Variants in OR10Q1 observed in about 807,000 individuals in gnomAD.
The protein encoded by OR10Q1 is olfactory receptor 10Q1.
For synonymous variants in OR10Q1, 211 were observed against 180.5 expected, an observed-to-expected ratio of 1.17 and a Z score of -1.35; for missense variants, 435 against 414.0, an observed-to-expected ratio of 1.05 and a Z score of -0.44.
rs367603027 is a variant in OR10Q1 at position 58,228,532 on chromosome 11, T to G, written c.344A>C (p.Asp115Ala). ...MFFFVTLGST[D>A]CFLLAIMAYD... ...GGCCATGATCGCCAAGAGGAAACAG[T>G]CCGTGCTGCCGAGGGTGACAAAGAA... The change falls in exon 1 of 1, where the codon GAC becomes GCC. Residue 115 changes from aspartate (D) to alanine (A), a missense_variant. Asp to Ala is a moderately radical substitution (Grantham distance 126). Coordinates refer to ENST00000316770, the MANE Select transcript of OR10Q1 (RefSeq NM_001004471.2). 6.2e-7 allele frequency: 1 copy of G among 1,613,930 alleles called. No homozygotes were observed. The highest frequency in any genetic ancestry group is 8.5e-7 in the Non-Finnish European group (1 of 1,179,984).
Position 58,227,956 on chromosome 11 carries a change from C to T in OR10Q1, c.920G>A (p.Arg307Lys), listed in dbSNP as rs774781835. Residue 307 changes from arginine to lysine, a missense_variant, in exon 1 of 1, where the codon AGG (arginine) becomes AAG (lysine). Transcript: ENST00000316770. ...LRNKDVKGAL[R>K]SAIIRKAASD... ...GGCTGCTTTACGGATAATGGCACTC[C>T]TCAGAGCACCTTTGACATCCTTGTT... is the stretch of plus-strand genomic sequence containing the variant. The T allele has an allele frequency of 1.2e-6, 2 of 1,614,026 alleles. No homozygotes were observed. The highest frequency in any genetic ancestry group is 1.3e-5 in the African/African-American group (1 of 75,028).
In OR10Q1 at chr11:58,228,900, G is replaced by A. The variant is rs753208221; in HGVS notation, c.-25C>T. On this transcript the variant is annotated 5_prime_UTR_variant, in exon 1 of 1. Coordinates refer to ENST00000316770, the MANE Select transcript of OR10Q1 (RefSeq NM_001004471.2). ...TGTCTTATGCAAAAGAATAGGACGC[G>A]CTGAGCTCTTCTTGGCTGAGTTGCT... The A allele has an allele frequency of 1.2e-6, 2 of 1,602,762 alleles. No individual in the cohort carries two copies. Among genetic ancestry groups the A allele is most frequent in the Non-Finnish European group, 1.7e-6 (2 of 1,173,924 alleles).
chr11:58,228,487 A>G lies in OR10Q1; in HGVS notation c.389T>C (p.Ile130Thr), dbSNP rs1464243553. 2 of 1,613,912 alleles carry G rather than the reference A, an allele frequency of 1.2e-6. No homozygotes were observed. The highest frequency in any genetic ancestry group is 1.3e-5 in the African/African-American group (1 of 74,992). The change falls in exon 1 of 1, where the codon ATC becomes ACC. Residue 130 changes from isoleucine to threonine, a missense_variant. By Grantham distance (89) the Ile-to-Thr change is moderately conservative. Coordinates refer to ENST00000316770, the MANE Select transcript of OR10Q1 (RefSeq NM_001004471.2). ...AIMAYDRYVA[I>T]CHPLHYTLIM... ...GAGGGTGTAGTGCAGCGGGTGGCAG[A>G]TAGCCACATAGCGGTCATAGGCCAT...
rs113852503 is a variant in OR10Q1 at position 58,228,226 on chromosome 11, A to T, written c.650T>A (p.Leu217Gln). ...GAACACGTAGGAGACGCAGATGAGC[A>T]GGAAGGGGATGGTCAGCACGAGGAT... ...VSILVLTIPFLLICVSYVFIT... is the reference protein window; with the variant it reads ...VSILVLTIPFQLICVSYVFIT... Residue 217 changes from leucine (L) to glutamine (Q), a missense_variant, in exon 1 of 1, where the codon CTG (leucine) becomes CAG (glutamine). Coordinates refer to ENST00000316770, the MANE Select transcript of OR10Q1 (RefSeq NM_001004471.2). 18 of 1,614,026 alleles carry T rather than the reference A, an allele frequency of 1.1e-5. No homozygotes were observed. The African/African-American group carries it at 1.2e-4, about 11-fold the overall frequency.
rs2120098339 is a variant in OR10Q1 at position 58,228,836 on chromosome 11, T to C, written c.40A>G (p.Thr14Ala). Residue 14 changes from threonine to alanine, a missense_variant, in exon 1 of 1, where the codon ACT (threonine) becomes GCT (alanine). Thr to Ala is a moderately conservative substitution (Grantham distance 58, BLOSUM62 0). Transcript: ENST00000316770. ...GKLVFNQSEP[T>A]EFVFRAFTTA... ...GTGAACGCACGGAACACAAACTCAG[T>C]GGGCTCAGACTGGTTGAAGACAAGT... The C allele has an allele frequency of 6.2e-7, 1 of 1,614,000 alleles. No homozygotes were observed. Among genetic ancestry groups the C allele is most frequent in the East Asian group, 2.2e-5 (1 of 44,820 alleles).
At position 58,228,410 on chromosome 11, in the gene OR10Q1, C is replaced by G. The variant is rs1283858266; in HGVS notation, c.466G>C (p.Ala156Pro). The part of the protein sequence containing the change: ...TQMLGGALGL[A>P]LFPSLQLTAL... ...GTGAGCTGCAGGGAGGGGAAGAGGG[C>G]CAGGCCCAGGGCCCCACCCAGCATC... Residue 156 changes from alanine (A) to proline (P), a missense_variant, in exon 1 of 1, where the codon GCC (alanine) becomes CCC (proline). Physicochemically the swap from Ala to Pro is conservative, Grantham distance 27 (BLOSUM62 -1). Coordinates refer to ENST00000316770, the MANE Select transcript of OR10Q1 (RefSeq NM_001004471.2). The G allele has an allele frequency of 1.2e-6, 2 of 1,613,972 alleles. No individual in the cohort carries two copies. The highest frequency in any genetic ancestry group is 1.3e-5 in the African/African-American group (1 of 75,024).
rs1345964541 is a variant in OR10Q1 at position 58,228,847 on chromosome 11, T to C, written c.29A>G (p.Gln10Arg). Residue 10 changes from glutamine to arginine, a missense_variant, in exon 1 of 1, where the codon CAG (glutamine) becomes CGG (arginine). Physicochemically the swap from Gln to Arg is conservative, Grantham distance 43. Coordinates refer to ENST00000316770, the MANE Select transcript of OR10Q1 (RefSeq NM_001004471.2). ...GAACACAAACTCAGTGGGCTCAGAC[T>C]GGTTGAAGACAAGTTTCCCCACAGG... MPVGKLVFN[Q>R]SEPTEFVFRA... is the part of the protein sequence containing the mutation. The C allele has an allele frequency of 6.2e-7, 1 of 1,614,108 alleles. No homozygotes were observed. Among genetic ancestry groups the C allele is most frequent in the African/African-American group, 1.3e-5 (1 of 75,062 alleles).
Position 58,228,831 on chromosome 11 carries a change from C to G in OR10Q1, c.45G>C (p.Glu15Asp), listed in dbSNP as rs1290294988. ...CTGTGGTGAACGCACGGAACACAAA[C>G]TCAGTGGGCTCAGACTGGTTGAAGA... ...KLVFNQSEPT[E>D]FVFRAFTTAT... Residue 15 changes from glutamate to aspartate, a missense_variant, in exon 1 of 1, where the codon GAG becomes GAC. Glu to Asp is a conservative substitution (Grantham distance 45). Coordinates refer to ENST00000316770, the MANE Select transcript of OR10Q1 (RefSeq NM_001004471.2). The G allele has an allele frequency of 2.5e-6, 4 of 1,613,172 alleles. No homozygotes were observed. The highest frequency in any genetic ancestry group is 3.4e-6 in the Non-Finnish European group (4 of 1,179,368).
Position 58,228,696 on chromosome 11 carries a change from G to A in OR10Q1, c.180C>T (p.Arg60=), listed in dbSNP as rs1032000503. 1.9e-6 allele frequency: 3 copies of A among 1,614,030 alleles called. No individual in the cohort carries two copies. The highest frequency in any genetic ancestry group is 2.5e-6 in the Non-Finnish European group (3 of 1,180,006). Reference sequence around the variant, plus strand: ...TGGACAGGAAGAAATACATCGGGGTGCGGAGGGTGCTGTGTGTGCACACCA... The same window carrying A: ...TGGACAGGAAGAAATACATCGGGGTACGGAGGGTGCTGTGTGTGCACACCA... ...IWVVCTHSTL[R]TPMYFFLSNL... is the part of the protein sequence containing the mutation. The change falls in exon 1 of 1, where the codon CGC becomes CGT. Residue 60 remains arginine (R), a synonymous_variant. Coordinates refer to ENST00000316770, the MANE Select transcript of OR10Q1 (RefSeq NM_001004471.2).
rs375021451 is a variant in OR10Q1 at position 58,228,422 on chromosome 11, C to T, written c.454G>A (p.Ala152Thr). ...RELCTQMLGG[A>T]LGLALFPSLQ... ...GAGGGGAAGAGGGCCAGGCCCAGGG[C>T]CCCACCCAGCATCTGCGTGCACAGC... Residue 152 changes from alanine to threonine, a missense_variant, in exon 1 of 1, where the codon GCC (alanine) becomes ACC (threonine). Transcript: ENST00000316770. 3 of 1,613,878 alleles carry T rather than the reference C, an allele frequency of 1.9e-6. No individual in the cohort carries two copies. Among genetic ancestry groups the T allele is most frequent in the African/African-American group, 1.3e-5 (1 of 74,900 alleles).
rs1450584674 is a variant in OR10Q1, at chr11:58,228,781, A to G, written c.95T>C (p.Phe32Ser). ...CAAGTAGAGGAGGAGGAAGAGAAGG[A>G]AGAGAAGAACCTGGAATTCAGTGGC... ...TTATEFQVLL[F>S]LLFLLLYLMI... The change falls in exon 1 of 1, where the codon TTC becomes TCC. Residue 32 changes from phenylalanine (F) to serine (S), a missense_variant. By Grantham distance (155) the Phe-to-Ser change is radical. Transcript: ENST00000316770. 1 of 1,613,834 alleles carries G rather than the reference A, an allele frequency of 6.2e-7. No homozygotes were observed. Among genetic ancestry groups the G allele is most frequent in the African/African-American group, 1.3e-5 (1 of 74,872 alleles).
rs889173216 is a variant in OR10Q1, at chr11:58,228,323, C to G, written c.553G>C (p.Asp185His). The change falls in exon 1 of 1, where the codon GAT becomes CAT. Residue 185 changes from aspartate (D) to histidine (H), a missense_variant. Coordinates refer to ENST00000316770, the MANE Select transcript of OR10Q1 (RefSeq NM_001004471.2). Reference protein sequence around the residue: ...HHQEINHFLCDVPPVLRLACA... With the variant: ...HHQEINHFLCHVPPVLRLACA... ...GCCAGGCGCAGGACGGGAGGCACAT[C>G]GCAGAGGAAGTGGTTGATTTCCTGG... is the stretch of plus-strand genomic sequence containing the variant. 6.2e-7 allele frequency: 1 copy of G among 1,613,842 alleles called. No individual in the cohort carries two copies. The highest frequency in any genetic ancestry group is 8.5e-7 in the Non-Finnish European group (1 of 1,180,016).
Position 58,228,144 on chromosome 11 carries a change from G to A in OR10Q1, c.732C>T (p.Ser244=). 6.2e-7 allele frequency: 1 copy of A among 1,614,220 alleles called. No homozygotes were observed. The highest frequency in any genetic ancestry group is 8.5e-7 in the Non-Finnish European group (1 of 1,180,046). The change falls in exon 1 of 1, where the codon TCC becomes TCT. Residue 244 remains serine (S), a synonymous_variant. Coordinates refer to ENST00000316770, the MANE Select transcript of OR10Q1 (RefSeq NM_001004471.2). ...RSAEGRRRAF[S]TCSFHLTVVL... ...CCACGGTGAGGTGGAAGGAGCAGGT[G>A]GAGAAGGCCCGGCGGCGGCCCTCGG...
rs777748474 is a variant in OR10Q1, at chr11:58,228,419, G to A, written c.457C>T (p.Leu153=). The change falls in exon 1 of 1, where the codon CTG becomes TTG. Residue 153 remains leucine, a synonymous_variant. Transcript: ENST00000316770. ...AGGGAGGGGAAGAGGGCCAGGCCCAGGGCCCCACCCAGCATCTGCGTGCAC... is the reference window on the plus strand; with the variant it reads ...AGGGAGGGGAAGAGGGCCAGGCCCAAGGCCCCACCCAGCATCTGCGTGCAC... ...ELCTQMLGGA[L]GLALFPSLQL... 1.5e-5 allele frequency: 25 copies of A among 1,614,120 alleles called. No homozygotes were observed. Among genetic ancestry groups the A allele is most frequent in the Non-Finnish European group, 2.1e-5 (25 of 1,180,032 alleles).
chr11:58,228,205 A>T lies in OR10Q1; in HGVS notation c.671T>A (p.Val224Glu). ...IPFLLICVSY[V>E]FITCAILSIR... Reference sequence around the variant, plus strand: ...GCTCAGGATGGCACAGGTGATGAACACGTAGGAGACGCAGATGAGCAGGAA... The same window carrying T: ...GCTCAGGATGGCACAGGTGATGAACTCGTAGGAGACGCAGATGAGCAGGAA... Residue 224 changes from valine (V) to glutamate (E), a missense_variant, in exon 1 of 1, where the codon GTG becomes GAG. Coordinates refer to ENST00000316770, the MANE Select transcript of OR10Q1 (RefSeq NM_001004471.2). 1 of 1,614,100 alleles carries T rather than the reference A, an allele frequency of 6.2e-7. No homozygotes were observed. The highest frequency in any genetic ancestry group is 8.5e-7 in the Non-Finnish European group (1 of 1,180,032).
chr11:58,228,266 G>A lies in OR10Q1; in HGVS notation c.610C>T (p.Leu204Phe), dbSNP rs1853111655. The change falls in exon 1 of 1, where the codon CTC becomes TTC. Residue 204 changes from leucine (L) to phenylalanine (F), a missense_variant. Leu to Phe is a conservative substitution (Grantham distance 22). Coordinates refer to ENST00000316770, the MANE Select transcript of OR10Q1 (RefSeq NM_001004471.2). ...AGCACGAGGATGCTCACGACATAGA[G>A]GACAGCCTGGTGCACGCGGATGTCA... ...CADIRVHQAV[L>F]YVVSILVLTI... The A allele has an allele frequency of 6.2e-7, 1 of 1,613,712 alleles. No individual in the cohort carries two copies. Among genetic ancestry groups the A allele is most frequent in the Non-Finnish European group, 8.5e-7 (1 of 1,180,048 alleles).
Position 58,228,905 on chromosome 11 carries a change from G to C in OR10Q1, c.-30C>G. Reference sequence around the variant, plus strand: ...TATGCAAAAGAATAGGACGCGCTGAGCTCTTCTTGGCTGAGTTGCTTTATT... The same window carrying C: ...TATGCAAAAGAATAGGACGCGCTGACCTCTTCTTGGCTGAGTTGCTTTATT... On this transcript the variant is annotated 5_prime_UTR_variant, in exon 1 of 1. Coordinates refer to ENST00000316770, the MANE Select transcript of OR10Q1 (RefSeq NM_001004471.2). 1 of 1,586,368 alleles carries C rather than the reference G, an allele frequency of 6.3e-7. No homozygotes were observed. The highest frequency in any genetic ancestry group is 8.6e-7 in the Non-Finnish European group (1 of 1,166,704).
chr11:58,228,204 C>G lies in OR10Q1; in HGVS notation c.672G>C (p.Val224=), dbSNP rs1417812682. ...IPFLLICVSY[V]FITCAILSIR... ...TGCTCAGGATGGCACAGGTGATGAA[C>G]ACGTAGGAGACGCAGATGAGCAGGA... Residue 224 remains valine, a synonymous_variant, in exon 1 of 1, where the codon GTG becomes GTC. Transcript: ENST00000316770. 3.1e-6 allele frequency: 5 copies of G among 1,613,990 alleles called. No homozygotes were observed. In the Admixed American group the frequency reaches 8.3e-5, roughly 27 times the overall value.
In OR10Q1 at chr11:58,228,543, G is replaced by A. The variant is rs929269018; in HGVS notation, c.333C>T (p.Leu111=). 3.7e-6 allele frequency: 6 copies of A among 1,614,136 alleles called. No homozygotes were observed. The highest frequency in any genetic ancestry group is 3.4e-6 in the Non-Finnish European group (4 of 1,180,024). Residue 111 remains leucine, a synonymous_variant, in exon 1 of 1, where the codon CTC becomes CTT. Transcript: ENST00000316770. The part of the protein sequence containing the change: ...CGAQMFFFVT[L]GSTDCFLLAI... ...CCAAGAGGAAACAGTCCGTGCTGCC[G>A]AGGGTGACAAAGAAGAACATTTGGG...
Sources: gnomAD v4.1 joint callset for allele counts on GRCh38, gnomAD v4.1.1 for gene constraint, MANE v1.5 for transcripts, NCBI Gene and HGNC (gene_info 2026-07-23, HGNC 2026-07-21) for gene names.